The following FOXP2 variants were observed in gnomAD, a reference collection of about 807,000 sequenced individuals.
The protein encoded by FOXP2 is forkhead box protein P2.
A neutral mutation model predicts 115.8 loss-of-function variants in FOXP2; 12 were observed. The ratio of observed to expected loss-of-function variants is 0.10; its 90% confidence interval spans 0.07 to 0.17. The LOEUF is 0.17. FOXP2 is among the 10% of genes least tolerant of loss of function. The pLI, the probability that FOXP2 is intolerant of heterozygous loss-of-function variation, is 1.00. For synonymous variants in FOXP2, 328 were observed against 297.7 expected, an observed-to-expected ratio of 1.10 and a Z score of -1.05; for missense variants, 629 against 843.5, an observed-to-expected ratio of 0.75 and a Z score of 3.15.
chr7:114,332,083 T>C (rs1469885416), intron 2 of FOXP2, among the ~76,000 whole-genome samples: 1 of 152,108 alleles, frequency 6.6e-6, no homozygotes, highest in Non-Finnish European at 1.5e-5. Flanking sequence ...ATTTGTTTGC[T>C]GTCTGTACCT....
At chr7:114,502,689 C>G (rs1797621397) in intron 2 of FOXP2, among the ~76,000 whole-genome samples, 1 of 151,936 alleles carries the variant, frequency 6.6e-6, no homozygotes, top group African/African-American at 2.4e-5. Context: ...TCAAAAAGTG[C>G]AAGGTTACAC....
At chr7:114,400,848 A>G (rs1483995216) in intron 2 of FOXP2, among the ~76,000 whole-genome samples, 1 of 152,116 alleles carries the variant, frequency 6.6e-6, no homozygotes, top group Non-Finnish European at 1.5e-5. Flanking sequence ...CCCTGGGTAC[A>G]GGGACCACTG....
At chr7:114,441,549 C>G (rs932934120) in intron 2 of FOXP2, among the ~76,000 whole-genome samples, 1 of 152,054 alleles carries the variant, frequency 6.6e-6, no homozygotes, top group African/African-American at 2.4e-5. Flanking sequence ...ACAATAGCAG[C>G]CTTCAGTTTA....
intron 2 of FOXP2, among the ~76,000 whole-genome samples, chr7:114,367,167 A>C (rs1348865774): frequency 1.3e-5 from 2 of 152,056 alleles, no homozygotes; most frequent in Non-Finnish European, 2.9e-5. Context: ...AGCTCATAGG[A>C]GCTTTTCAGA....
At chr7:114,342,103 G>GT (rs1218339565) in intron 2 of FOXP2, among the ~76,000 whole-genome samples, 2 of 151,412 alleles carry the variant, frequency 1.3e-5, no homozygotes, top group African/African-American at 4.8e-5. Flanking sequence ...GATTCACAAA[G>GT]TTTTTTAAGG....
chr7:114,644,806 T>C lies in FOXP2; in HGVS notation c.1094+17T>C, dbSNP rs184212755. ...GTTTTTAAAGTAGGTTTTTTACTTT[T>C]TTTTGGTGGGGGGCGGGGGCTGGAT... On this transcript the variant is annotated intron_variant, in intron 8 of 16. Coordinates refer to ENST00000350908, the MANE Select transcript of FOXP2 (RefSeq NM_014491.4). 2.8e-4 allele frequency: 444 copies of C among 1,603,140 alleles called. 1 individual carries two copies. In the African/African-American group the frequency reaches 5.6e-3, roughly 20 times the overall value.
intron 2 of FOXP2, among the ~76,000 whole-genome samples, chr7:114,532,459 G>C (rs1480772537): frequency 6.6e-6 from 1 of 151,790 alleles, no homozygotes; most frequent in Non-Finnish European, 1.5e-5. Context: ...TGACAGAACA[G>C]AAACAGTATG....
intron 16 of FOXP2, among the ~76,000 whole-genome samples, chr7:114,689,556 C>A (rs977191473): frequency 2.6e-5 from 4 of 152,154 alleles, no homozygotes; most frequent in Non-Finnish European, 5.9e-5. Flanking sequence ...CTAAACAGCA[C>A]AGCATGTGGG....
chr7:114,676,249 CTAGT>C (rs1222941868), intron 16 of FOXP2, among the ~76,000 whole-genome samples: 1 of 151,824 alleles, frequency 6.6e-6, no homozygotes, highest in Non-Finnish European at 1.5e-5. Flanking sequence ...TCTATCGGAG[CTAGT>C]TAATGTATTC....
At chr7:114,121,497 C>A (rs1791565481) in intron 1 of FOXP2, among the ~76,000 whole-genome samples, 1 of 152,080 alleles carries the variant, frequency 6.6e-6, no homozygotes, top group African/African-American at 2.4e-5. Context: ...ATTGAAGATA[C>A]CTAGTTGGCA....
In FOXP2 at chr7:114,220,963, G is replaced by T. The variant is rs116757760; in HGVS notation, c.-102+57875G>T. 5.6e-3 allele frequency among the ~76,000 whole-genome samples: 859 copies of T among 152,196 alleles called. 12 individuals carry two copies. Among genetic ancestry groups the T allele is most frequent in the African/African-American group, 0.02 (821 of 41,528 alleles). The stretch of plus-strand genomic sequence containing the variant: ...TGATTATCTTTGTTCTTATAGTTGT[G>T]GGAGAAGTAGTAGCATAATAGTATG... On this transcript the variant is annotated intron_variant, in intron 1 of 17. Transcript: ENST00000634411.
chr7:114,215,624 C>G (rs777115037), intron 1 of FOXP2, among the ~76,000 whole-genome samples: 9 of 151,390 alleles, frequency 5.9e-5, no homozygotes, highest in Non-Finnish European at 1.3e-4. Context: ...ACCATTAGTA[C>G]AGTGTGTACT....
At chr7:114,166,821 A>G (rs1157753533) in intron 1 of FOXP2, among the ~76,000 whole-genome samples, 1 of 152,248 alleles carries the variant, frequency 6.6e-6, no homozygotes, top group Non-Finnish European at 1.5e-5. Context: ...GCATATGAAA[A>G]GATGCTCAAT....
chr7:114,674,203 G>A (rs146644585), intron 16 of FOXP2, among the ~76,000 whole-genome samples: 161 of 152,218 alleles, frequency 1.1e-3, no homozygotes, highest in Non-Finnish European at 1.5e-3. Flanking sequence ...GACTAAGGGA[G>A]GATAACATTT....
intron 2 of FOXP2, among the ~76,000 whole-genome samples, chr7:114,327,929 A>G (rs1296786815): frequency 7.7e-6 from 1 of 130,248 alleles, no homozygotes; most frequent in South Asian, 2.4e-4. Context: ...TTTCTTTTCT[A>G]TTTTAATTTT....
chr7:114,364,858 T>C (rs1205049713), intron 2 of FOXP2, among the ~76,000 whole-genome samples: 1 of 152,142 alleles, frequency 6.6e-6, no homozygotes, highest in Non-Finnish European at 1.5e-5. Context: ...CATCTCTTAC[T>C]CTGCATTTAT....
intron 2 of FOXP2, among the ~76,000 whole-genome samples, chr7:114,382,300 A>T (rs553452798): frequency 6.6e-6 from 1 of 152,158 alleles, no homozygotes; most frequent in East Asian, 1.9e-4. Flanking sequence ...TGTGAGGGTG[A>T]TGGCATGGGC....
chr7:114,248,180 CAGAGAGAGAGAG>C (rs71314647), intron 1 of FOXP2, among the ~76,000 whole-genome samples: 137 of 146,068 alleles, frequency 9.4e-4, no homozygotes, highest in Non-Finnish European at 1.9e-3. Context: ...AGCTTAAAAA[CAGAGAGAGAGAG>C]AGAGAGAGAG....
intron 2 of FOXP2, among the ~76,000 whole-genome samples, chr7:114,343,675 C>T (rs1791268108): frequency 6.6e-6 from 1 of 151,554 alleles, no homozygotes; most frequent in African/African-American, 2.4e-5. Flanking sequence ...TAGCTTAGGG[C>T]CTTTGTGCTG....
Sources: allele counts gnomAD v4.1 joint callset (sites outside exome capture counted in the v4.1 genomes callset), GRCh38; gene constraint gnomAD v4.1.1; transcripts MANE v1.5; gene names NCBI Gene and HGNC (gene_info 2026-07-23, HGNC 2026-07-21).